The following SYT9 variants were observed in gnomAD, a reference collection of about 807,000 sequenced individuals.
The protein encoded by SYT9 is synaptotagmin 9, also known as synaptotagmin-9.
In SYT9, 22 loss-of-function variants were observed where a neutral mutation model predicts 48.4. The ratio of observed to expected loss-of-function variants is 0.45; its 90% confidence interval spans 0.32 to 0.65. The LOEUF is 0.65. SYT9 is among the 30% of genes least tolerant of loss of function. The probability of loss-of-function intolerance (pLI) is 0.03; values close to 1 mark genes in which losing one functional copy is unlikely to be tolerated. For synonymous variants in SYT9, 265 were observed against 245.0 expected (o/e 1.08, Z -0.76); for missense variants, 577 against 622.0 (o/e 0.93, Z 0.77).
intron 3 of SYT9, 27 bp from the exon 4 acceptor site, chr11:7,416,015 A>T: frequency 6.2e-7 from 1 of 1,613,990 alleles, no homozygotes; most frequent in Non-Finnish European, 8.5e-7. Flanking sequence ...ACACTTTCTA[A>T]TACTTTAGTT....
intron 6 of SYT9, among the ~76,000 whole-genome samples, chr11:7,423,332 T>C (rs902018288): frequency 2.0e-5 from 3 of 152,140 alleles, no homozygotes; most frequent in African/African-American, 7.2e-5. Context: ...AAAAACAGTA[T>C]TGGAGAGGTT....
chr11:7,263,048 G>A (rs1224080553), intron 1 of SYT9, among the ~76,000 whole-genome samples: 1 of 152,138 alleles, frequency 6.6e-6, no homozygotes, highest in African/African-American at 2.4e-5. Flanking sequence ...CCTTGGTTGA[G>A]AAGTTGGGTA....
chr11:7,245,578 A>T (rs1847782635), intron 1 of SYT9, among the ~76,000 whole-genome samples: 1 of 152,156 alleles, frequency 6.6e-6, no homozygotes, highest in South Asian at 2.1e-4. Context: ...CTGTAACAGG[A>T]TACCTGAGAT....
intron 3 of SYT9, among the ~76,000 whole-genome samples, chr11:7,363,007 G>T (rs74051151): frequency 5.0e-5 from 3 of 59,664 alleles, no homozygotes; most frequent in African/African-American, 1.7e-4. Context: ...CATCAGTTAT[G>T]TCAGGAACTT....
intron 6 of SYT9, among the ~76,000 whole-genome samples, chr11:7,460,577 G>A (rs1848218829): frequency 6.6e-6 from 1 of 152,110 alleles, no homozygotes; most frequent in Middle Eastern, 3.7e-3. Flanking sequence ...ATGATGTTAA[G>A]CATTTCAATA....
At chr11:7,362,010 C>T (rs1223370520) in intron 3 of SYT9, among the ~76,000 whole-genome samples, 3 of 152,058 alleles carry the variant, frequency 2.0e-5, no homozygotes, top group African/African-American at 7.2e-5. Context: ...GGGCAAAAGC[C>T]CTATGCTAGC....
At chr11:7,256,929 A>G (rs1167606479) in intron 1 of SYT9, among the ~76,000 whole-genome samples, 1 of 152,086 alleles carries the variant, frequency 6.6e-6, no homozygotes, top group Non-Finnish European at 1.5e-5. Flanking sequence ...TTTCTAGGTC[A>G]TGGTTTTCAA....
At chr11:7,240,666 T>C (rs1053047145) in intron 1 of SYT9, among the ~76,000 whole-genome samples, 1 of 152,210 alleles carries the variant, frequency 6.6e-6, no homozygotes, top group Non-Finnish European at 1.5e-5. Context: ...AACTACTACT[T>C]CAAATAGGAC....
At chr11:7,418,913 TA>T (rs201007861) in intron 5 of SYT9, among the ~76,000 whole-genome samples, 92 of 152,314 alleles carry the variant, frequency 6.0e-4, no homozygotes, top group Non-Finnish European at 1.1e-3. Flanking sequence ...ACACAATTAT[TA>T]AAAAAAATAT....
chr11:7,251,633 C>T (rs1234183194), upstream of SYT9, among the ~76,000 whole-genome samples: 1 of 152,178 alleles, frequency 6.6e-6, no homozygotes, highest in Non-Finnish European at 1.5e-5. Flanking sequence ...TGGACACACT[C>T]GGCGGTGGGA....
In SYT9 at chr11:7,385,774, T is replaced by C. The variant is rs114232347; in HGVS notation, c.1045-30268T>C. Among the ~76,000 whole-genome samples the C allele has an allele frequency of 5.4e-3, 816 of 152,342 alleles. 6 individuals carry two copies. Among genetic ancestry groups the C allele is most frequent in the African/African-American group, 0.019 (772 of 41,578 alleles). On this transcript the variant is annotated intron_variant, in intron 3 of 6. Transcript: ENST00000318881. Reference sequence around the variant, plus strand: ...AATGCTACACTAGTCCAGTCCATCCTGGACACTAGTTCAGTTGCATTCTCA... The same window carrying C: ...AATGCTACACTAGTCCAGTCCATCCCGGACACTAGTTCAGTTGCATTCTCA...
At chr11:7,283,837 G>A (rs528945213) in intron 1 of SYT9, among the ~76,000 whole-genome samples, 6 of 152,182 alleles carry the variant, frequency 3.9e-5, no homozygotes, top group South Asian at 4.2e-4. Flanking sequence ...ACTCGAATGT[G>A]GAGCTATTGT....
chr11:7,245,500 T>A (rs1182129821), intron 1 of SYT9, among the ~76,000 whole-genome samples: 1 of 152,088 alleles, frequency 6.6e-6, no homozygotes, highest in Non-Finnish European at 1.5e-5. Context: ...TTCGTCAGCA[T>A]ATAAACTGGA....
At chr11:7,377,624 GC>G (rs1342551799) in intron 3 of SYT9, among the ~76,000 whole-genome samples, 2 of 152,098 alleles carry the variant, frequency 1.3e-5, no homozygotes, top group Non-Finnish European at 2.9e-5. Context: ...GAGAGGCAAG[GC>G]CATCTCTTGG....
chr11:7,398,618 G>C (rs1846809197), intron 3 of SYT9, among the ~76,000 whole-genome samples: 1 of 152,016 alleles, frequency 6.6e-6, no homozygotes, highest in South Asian at 2.1e-4. Context: ...CACCATGTTA[G>C]CCAGGACAGT....
intron 3 of SYT9, among the ~76,000 whole-genome samples, chr11:7,408,413 C>T (rs531918314): frequency 2.0e-5 from 3 of 152,348 alleles, no homozygotes; most frequent in East Asian, 3.9e-4. Flanking sequence ...CAGGCGTGAG[C>T]CACCATGCCC....
chr11:7,242,454 A>T (rs1429912000), intron 1 of SYT9, among the ~76,000 whole-genome samples: 1 of 152,204 alleles, frequency 6.6e-6, no homozygotes, highest in Non-Finnish European at 1.5e-5. Context: ...AAGTGGTGAT[A>T]ATTAAGAACA....
At chr11:7,280,693 G>T in intron 1 of SYT9, among the ~76,000 whole-genome samples, 1 of 152,330 alleles carries the variant, frequency 6.6e-6, no homozygotes, top group South Asian at 2.1e-4. Context: ...GAGCTGGGAA[G>T]AGATGTGCAG....
At position 7,251,941 on chromosome 11, in the gene SYT9, G is replaced by T. The variant is rs546502664; in HGVS notation, c.-246G>T. The T allele has an allele frequency of 2.9e-5, 12 of 414,912 alleles. No homozygotes were observed. Among genetic ancestry groups the T allele is most frequent in the Non-Finnish European group, 4.7e-5 (11 of 235,586 alleles). 25.7% of individuals were successfully genotyped at this position (414,912 alleles called of 1,614,324 possible). On this transcript the variant is annotated 5_prime_UTR_variant, in exon 1 of 7. Transcript: ENST00000318881. ...GCGGCACCGCCTCTCCTCGGTGTCTGGGGAGGGACGGAGGGACCGGGCGGG... is the reference window on the plus strand; with the variant it reads ...GCGGCACCGCCTCTCCTCGGTGTCTTGGGAGGGACGGAGGGACCGGGCGGG...
Sources: allele counts gnomAD v4.1 joint callset (sites outside exome capture counted in the v4.1 genomes callset), GRCh38; gene constraint gnomAD v4.1.1; transcripts MANE v1.5; gene names NCBI Gene and HGNC (gene_info 2026-07-23, HGNC 2026-07-21).